Variants in SHOX observed in about 807,000 individuals in gnomAD.
The protein encoded by SHOX is SHOX homeobox.
In SHOX, 12 loss-of-function variants were observed where a neutral mutation model predicts 29.6. The ratio of observed to expected loss-of-function variants is 0.41; its 90% confidence interval spans 0.26 to 0.66. The LOEUF is 0.66. SHOX is among the 30% of genes least tolerant of loss of function. SHOX has a pLI of 0.35. For missense variants in SHOX, 499 were observed against 437.7 expected (o/e 1.14, Z -1.25); for synonymous variants, 214 against 200.6 (o/e 1.07, Z -0.57).
chrX:627,053 C>G (rs1392736718), upstream of SHOX, among the ~76,000 whole-genome samples: 1 of 88,848 alleles, frequency 1.1e-5, no homozygotes, highest in Non-Finnish European at 3.7e-5. Flanking sequence ...GACTCTTTCC[C>G]TCTCTCCTCT....
intron 4 of SHOX, 137 bp downstream of exon 4, chrX:641,224 A>G (rs2052848232): frequency 3.1e-5 from 28 of 904,338 alleles, no homozygotes; most frequent in Admixed American, 2.4e-4. Context: ...TTAGAAAAAA[A>G]GCCTCTTTTC....
intron 5 of SHOX, among the ~76,000 whole-genome samples, chrX:656,905 A>C (rs1240741002): frequency 5.4e-5 from 7 of 128,558 alleles, no homozygotes; most frequent in Non-Finnish European, 9.9e-5. Context: ...CAGCCTGGGC[A>C]ACAGAGCAAG....
chrX:632,505 C>G (rs2052668661), intron 1 of SHOX, among the ~76,000 whole-genome samples: 2 of 152,116 alleles, frequency 1.3e-5, no homozygotes, highest in African/African-American at 2.4e-5. Context: ...AGTTGAGGTG[C>G]GAGGGTGAAT....
At position 651,569 on chromosome X, in the gene SHOX, CTT is replaced by C. The variant is rs2053064776; in HGVS notation, c.*6934_*6935del. On this transcript the variant is annotated 3_prime_UTR_variant, in exon 5 of 5. Coordinates refer to ENST00000686671, the MANE Select transcript of SHOX (RefSeq NM_000451.4). ...CTTGTAAAACTGAGATATAAATAAACTTATAAATATTTGTATTCAAGTGTTAA... is the reference window on the plus strand; with the variant it reads ...CTTGTAAAACTGAGATATAAATAAACATAAATATTTGTATTCAAGTGTTAA... 4.2e-6 allele frequency: 1 copy of C among 239,922 alleles called. No individual in the cohort carries two copies. The highest frequency in any genetic ancestry group is 9.2e-5 in the East Asian group (1 of 10,824). The allele number at this position is 239,922 out of a possible 1,614,324, so 14.9% of individuals were successfully genotyped here. A position where few individuals can be genotyped will look rare whatever the true frequency, so the allele number is the denominator to read the frequency against.
downstream of SHOX, among the ~76,000 whole-genome samples, chrX:653,650 C>T (rs1218251629): frequency 5.3e-5 from 8 of 151,976 alleles, no homozygotes; most frequent in Non-Finnish European, 8.8e-5. Flanking sequence ...CTTTTTCACA[C>T]GGACACGGTT....
chrX:624,904 C>CTTCCTTTCTT (rs2052485772), intron 1 of SHOX, among the ~76,000 whole-genome samples: 1 of 94,850 alleles, frequency 1.1e-5, no homozygotes, highest in Non-Finnish European at 2.1e-5. Context: ...CTTTCTTTCT[C>CTTCCTTTCTT]TCTTCCTTTC....
chrX:642,695 G>A (rs2052876750), intron 4 of SHOX, among the ~76,000 whole-genome samples: 1 of 152,234 alleles, frequency 6.6e-6, no homozygotes, highest in Admixed American at 6.5e-5. Context: ...GCGCACCGGA[G>A]TCTTGGGGAC....
downstream of SHOX, among the ~76,000 whole-genome samples, chrX:653,622 T>TA (rs34477233): frequency 0.023 from 3,438 of 148,544 alleles, 56 homozygotes; most frequent in African/African-American, 0.053. Flanking sequence ...TGACCACATT[T>TA]AAAAAAAAAA....
chrX:655,634 ATATATATATATATATATATATAT>A (rs1169360828), downstream of SHOX, among the ~76,000 whole-genome samples: 2 of 85,104 alleles, frequency 2.4e-5, no homozygotes, highest in Non-Finnish European at 5.0e-5. Flanking sequence ...ATATATATAT[ATATATATATATATATATATATAT>A]GAGTTTCAAA....
At chrX:644,242 A>G in intron 4 of SHOX, 149 bp from the exon 5 acceptor site, 1 of 1,041,798 alleles carries the variant, frequency 9.6e-7, no homozygotes, top group East Asian at 3.2e-5. Context: ...GAAGGAGGAA[A>G]GGCGGGTGTG....
At chrX:658,405 G>C (rs968882638) in intron 5 of SHOX, among the ~76,000 whole-genome samples, 4 of 151,936 alleles carry the variant, frequency 2.6e-5, no homozygotes, top group Non-Finnish European at 4.4e-5. Context: ...ACCTATCATT[G>C]ATGGTTAGTA....
chrX:624,694 C>CTT (rs1556451291), intron 1 of SHOX: 4 of 78,958 alleles, frequency 5.1e-5, no homozygotes, highest in Non-Finnish European at 7.5e-5. Context: ...TCCTCTCTTC[C>CTT]TCTTTCTTTT....
At position 650,087 on chromosome X, in the gene SHOX, G is replaced by A. The variant is rs1297348631; in HGVS notation, c.*5451G>A. 3 of 447,624 alleles carry A rather than the reference G, an allele frequency of 6.7e-6. No homozygotes were observed. The highest frequency in any genetic ancestry group is 4.2e-4 in the Middle Eastern group (1 of 2,386). 27.7% of individuals were successfully genotyped at this position (447,624 alleles called of 1,614,324 possible). A position where few individuals can be genotyped will look rare whatever the true frequency, so the allele number is the denominator to read the frequency against. On this transcript the variant is annotated 3_prime_UTR_variant, in exon 5 of 5. Transcript: ENST00000686671. ...GAAAAATGCACCTTCTCTGGTGGCC[G>A]TTGGGGTGTTGTTTCACAGGCAGTG...
Position 624,528 on chromosome X carries a change from G to C in SHOX, c.-507G>C, listed in dbSNP as rs111549748. On this transcript the variant is annotated 5_prime_UTR_variant, in exon 1 of 6. Coordinates refer to the SHOX transcript ENST00000334060. ...CCGAGTCCGCACAGGGTTTGCGGGAGGTGGTGACCGCGCTGGGGACGCCAG... is the reference window on the plus strand; with the variant it reads ...CCGAGTCCGCACAGGGTTTGCGGGACGTGGTGACCGCGCTGGGGACGCCAG... The C allele has an allele frequency of 0.28, 42,392 of 151,914 alleles. 6,117 individuals are homozygous for C. Among genetic ancestry groups the C allele is most frequent in the East Asian group, 0.37 (1,881 of 5,110 alleles). 9.4% of individuals were successfully genotyped at this position (151,914 alleles called of 1,614,324 possible). A position where few individuals can be genotyped will look rare whatever the true frequency, so the allele number is the denominator to read the frequency against.
downstream of SHOX, among the ~76,000 whole-genome samples, chrX:652,564 G>C (rs1258133516): frequency 1.3e-5 from 2 of 152,020 alleles, no homozygotes; most frequent in African/African-American, 4.8e-5. Flanking sequence ...CCTGAGGACA[G>C]GTGAGCCTCT....
rs753509357 is a variant in SHOX, at chrX:631,098, G to A, written c.201G>A (p.Pro67=). 5.6e-6 allele frequency: 9 copies of A among 1,613,748 alleles called. 1 individual carries two copies. In the South Asian group the frequency reaches 9.9e-5, roughly 18 times the overall value. ...TCACGGAGGGCGGCGGCCACTGCCC[G>A]GTGCATTTGTTCAAGGACCACGTAG... is the stretch of plus-strand genomic sequence containing the variant. The part of the protein sequence containing the change: ...QDITEGGGHC[P]VHLFKDHVDN... The change falls in exon 1 of 5, where the codon CCG becomes CCA. Residue 67 remains proline, a synonymous_variant. Coordinates refer to ENST00000686671, the MANE Select transcript of SHOX (RefSeq NM_000451.4).
chrX:640,373 C>G (rs2052830480), intron 2 of SHOX, among the ~76,000 whole-genome samples: 2 of 149,982 alleles, frequency 1.3e-5, no homozygotes, highest in African/African-American at 4.9e-5. Context: ...AAACAAAAAA[C>G]AAGAGACCAG....
rs2052757685 is a variant in SHOX at position 636,550 on chromosome X, TATATAAACATATATACATATAAAGAA to T, written c.486+1730_486+1755del. The stretch of plus-strand genomic sequence containing the variant: ...AAACATATATATACATATAAAAATA[TATATAAACATATATACATATAAAGAA>T]ATATATATAAACATATATACATATA... On this transcript the variant is annotated intron_variant, in intron 2 of 4. Transcript: ENST00000686671. 1.9e-4 allele frequency among the ~76,000 whole-genome samples: 3 copies of T among 15,530 alleles called. 1 individual carries two copies. In the African/African-American group the frequency reaches 2.7e-3, roughly 14 times the overall value. The allele number at this position is 15,530 out of a possible 152,430, so 10.2% of individuals were successfully genotyped here.
chrX:644,465 G>C lies in SHOX; in HGVS notation c.708G>C (p.Ala236=). ...PHLHPHLAAH[A]PYLMFPPPPF... is the part of the protein sequence containing the mutation. ...TGCACCCGCACCTGGCGGCGCACGCGCCCTACCTGATGTTCCCCCCGCCGC... is the reference window on the plus strand; with the variant it reads ...TGCACCCGCACCTGGCGGCGCACGCCCCCTACCTGATGTTCCCCCCGCCGC... Residue 236 remains alanine (A), a synonymous_variant, in exon 5 of 5, where the codon GCG becomes GCC. Transcript: ENST00000686671. 2 of 1,525,096 alleles carry C rather than the reference G, an allele frequency of 1.3e-6. No homozygotes were observed. The highest frequency in any genetic ancestry group is 1.7e-6 in the Non-Finnish European group (2 of 1,143,670). 94.5% of individuals were successfully genotyped at this position (1,525,096 alleles called of 1,614,324 possible). A position where few individuals can be genotyped will look rare whatever the true frequency, so the allele number is the denominator to read the frequency against.
Sources: allele counts gnomAD v4.1 joint callset (sites outside exome capture counted in the v4.1 genomes callset), GRCh38; gene constraint gnomAD v4.1.1; transcripts MANE v1.5; gene names NCBI Gene and HGNC (gene_info 2026-07-23, HGNC 2026-07-21).